CLDN1: variants seen among roughly 807,000 people sequenced by gnomAD.
CLDN1 encodes claudin-1.
A neutral mutation model predicts 22.6 loss-of-function variants in CLDN1; 12 were observed. The observed-to-expected ratio is 0.53, with a 90% CI of 0.34 to 0.86. CLDN1 has a LOEUF of 0.86. Among genes scored for constraint, CLDN1 ranks in the 40% least tolerant of loss-of-function variants. CLDN1 has a pLI of 0.02. For missense variants in CLDN1, 250 were observed against 269.5 expected, an observed-to-expected ratio of 0.93 and a Z score of 0.51; for synonymous variants, 99 against 103.8, an observed-to-expected ratio of 0.95 and a Z score of 0.28.
rs749371682 is a variant in CLDN1, at chr3:190,310,272, A to G, written c.389-19T>C. 5.0e-6 allele frequency: 8 copies of G among 1,586,426 alleles called. No individual in the cohort carries two copies. The highest frequency in any genetic ancestry group is 6.9e-6 in the Non-Finnish European group (8 of 1,155,244). On this transcript the variant is annotated intron_variant, in intron 2 of 3. Coordinates refer to ENST00000295522, the MANE Select transcript of CLDN1 (RefSeq NM_021101.5). ...GCCAGACCTATAGAAATTCAAAACAAAAGACTGTTAATCACCATGGAACAC... is the reference window on the plus strand; with the variant it reads ...GCCAGACCTATAGAAATTCAAAACAGAAGACTGTTAATCACCATGGAACAC...
chr3:190,310,400 TC>T, intron 2 of CLDN1, 147 bp from the exon 3 acceptor site: 1 of 619,486 alleles, frequency 1.6e-6, no homozygotes, highest in Non-Finnish European at 2.8e-6. Context: ...AGATTAGAAG[TC>T]CAGATATGAT....
chr3:190,319,456 G>A lies in CLDN1; in HGVS notation c.223+2528C>T, dbSNP rs111865073. On this transcript the variant is annotated intron_variant, in intron 1 of 3. Coordinates refer to ENST00000295522, the MANE Select transcript of CLDN1 (RefSeq NM_021101.5). ...TGGCAAGAACTACCTAAAAGAAGAA[G>A]CCTTGCTCTATCTCATTTTGTATTT... 5.1e-3 allele frequency among the ~76,000 whole-genome samples: 772 copies of A among 152,284 alleles called. 11 individuals are homozygous for A. The highest frequency in any genetic ancestry group is 0.018 in the African/African-American group (736 of 41,560).
intron 1 of CLDN1, among the ~76,000 whole-genome samples, chr3:190,314,505 A>T (rs1716711422): frequency 1.3e-5 from 2 of 151,794 alleles, no homozygotes; most frequent in Admixed American, 1.3e-4. Context: ...AGCGATTCTC[A>T]TCCCACAGCC....
At chr3:190,316,853 A>T (rs1487724936) in intron 1 of CLDN1, among the ~76,000 whole-genome samples, 1 of 152,188 alleles carries the variant, frequency 6.6e-6, no homozygotes, top group East Asian at 1.9e-4. Context: ...ACTGAGAAAT[A>T]CCTCCCTTGA....
intron 1 of CLDN1, among the ~76,000 whole-genome samples, chr3:190,314,467 T>A (rs1426278381): frequency 6.6e-6 from 1 of 152,148 alleles, no homozygotes; most frequent in Non-Finnish European, 1.5e-5. Flanking sequence ...CGATATGGGC[T>A]CACTGCAACC....
In CLDN1 at chr3:190,307,982, A is replaced by G. The variant is rs544541711; in HGVS notation, c.*295T>C. On this transcript the variant is annotated 3_prime_UTR_variant, in exon 4 of 4. Transcript: ENST00000295522. ...AATAGAAAAACATGTATATATACAT[A>G]TCTATATATATTTAAGGAGCACCCC... is the stretch of plus-strand genomic sequence containing the variant. The G allele has an allele frequency of 3.1e-6, 1 of 322,914 alleles. No homozygotes were observed. Among genetic ancestry groups the G allele is most frequent in the South Asian group, 3.2e-5 (1 of 31,562 alleles). 20.0% of individuals were successfully genotyped at this position (322,914 alleles called of 1,614,324 possible).
chr3:190,308,525 A>G (rs1376683827), intron 3 of CLDN1, 86 bp from the exon 4 acceptor site: 1 of 1,281,696 alleles, frequency 7.8e-7, no homozygotes, highest in Middle Eastern at 1.8e-4. Flanking sequence ...ATCAATACTC[A>G]TTGTATTTTT....
chr3:190,310,234 G>T lies in CLDN1; in HGVS notation c.408C>A (p.Ala136=). 2.5e-6 allele frequency: 4 copies of T among 1,613,678 alleles called. No individual in the cohort carries two copies. The highest frequency in any genetic ancestry group is 3.4e-6 in the Non-Finnish European group (4 of 1,179,752). Reference sequence around the variant, plus strand: ...CGATTCTATTGCCATACCATGCTGTGGCAACTAAAATAGCCAGACCTATAG... The same window carrying T: ...CGATTCTATTGCCATACCATGCTGTTGCAACTAAAATAGCCAGACCTATAG... ...FLLAGLAILV[A]TAWYGNRIVQ... Residue 136 remains alanine, a synonymous_variant, in exon 3 of 4, where the codon GCC becomes GCA. Transcript: ENST00000295522.
Position 190,310,399 on chromosome 3 carries a change from G to A in CLDN1, c.389-146C>T, listed in dbSNP as rs571302105. ...TATTTTGGTATTAGGGAGATTAGAAGTCCAGATATGATTTATTCCAAGTAT... is the reference window on the plus strand; with the variant it reads ...TATTTTGGTATTAGGGAGATTAGAAATCCAGATATGATTTATTCCAAGTAT... On this transcript the variant is annotated intron_variant, in intron 2 of 3. Transcript: ENST00000295522. The A allele has an allele frequency of 5.4e-4, 332 of 617,034 alleles. 2 individuals are homozygous for A. The East Asian group carries it at 9.3e-3, about 17-fold the overall frequency. The allele number at this position is 617,034 out of a possible 1,614,324, so 38.2% of individuals were successfully genotyped here.
intron 3 of CLDN1, 47 bp from the exon 4 acceptor site, chr3:190,308,486 A>G: frequency 6.3e-7 from 1 of 1,576,388 alleles, no homozygotes; most frequent in Non-Finnish European, 8.7e-7. Context: ...ATTATTGGCA[A>G]CTTTTCTAAT....
intron 1 of CLDN1, among the ~76,000 whole-genome samples, chr3:190,318,790 C>T (rs1390351484): frequency 6.6e-6 from 1 of 152,216 alleles, no homozygotes; most frequent in African/African-American, 2.4e-5. Context: ...CTCCTCTCCA[C>T]TTAGGCTTCA....
At chr3:190,309,508 T>A (rs1271219375) in intron 3 of CLDN1, among the ~76,000 whole-genome samples, 2 of 152,218 alleles carry the variant, frequency 1.3e-5, no homozygotes, top group Non-Finnish European at 2.9e-5. Context: ...AATGTAGTTA[T>A]TAGGCATTAA....
intron 1 of CLDN1, among the ~76,000 whole-genome samples, chr3:190,317,471 T>C (rs1377896493): frequency 1.3e-5 from 2 of 152,210 alleles, no homozygotes; most frequent in Non-Finnish European, 2.9e-5. Context: ...TGGAAGTTAC[T>C]GATCTACTAC....
At chr3:190,310,378 T>G (rs1716580328) in intron 2 of CLDN1, 125 bp from the exon 3 acceptor site, 1 of 709,474 alleles carries the variant, frequency 1.4e-6, no homozygotes. Flanking sequence ...CATTTTTATT[T>G]TGGTATTAGG....
intron 1 of CLDN1, among the ~76,000 whole-genome samples, chr3:190,315,700 C>T (rs1243896987): frequency 6.6e-6 from 1 of 152,060 alleles, no homozygotes; most frequent in East Asian, 1.9e-4. Flanking sequence ...CCAAGTTTTT[C>T]TCTTTGTTCA....
chr3:190,309,649 A>G (rs1716558836), intron 3 of CLDN1, among the ~76,000 whole-genome samples: 1 of 152,228 alleles, frequency 6.6e-6, no homozygotes, highest in East Asian at 1.9e-4. Context: ...CCAATTTTAC[A>G]GTTGTGAAAG....
Position 190,307,342 on chromosome 3 carries a change from G to T in CLDN1, c.*935C>A, listed in dbSNP as rs1315769785. 6.6e-6 allele frequency: 1 copy of T among 152,094 alleles called. No homozygotes were observed. The highest frequency in any genetic ancestry group is 1.5e-5 in the Non-Finnish European group (1 of 68,032). 9.4% of individuals were successfully genotyped at this position (152,094 alleles called of 1,614,324 possible). ...TGGGGAACAAAAAGGTAGTTTAGGG[G>T]GATATAAAACTATGAATAAGTAGCT... is the stretch of plus-strand genomic sequence containing the variant. On this transcript the variant is annotated 3_prime_UTR_variant, in exon 4 of 4. Transcript: ENST00000295522.
chr3:190,322,064 T>A lies in CLDN1; in HGVS notation c.143A>T (p.Glu48Val). The A allele has an allele frequency of 6.2e-7, 1 of 1,614,156 alleles. No individual in the cohort carries two copies. The highest frequency in any genetic ancestry group is 8.5e-7 in the Non-Finnish European group (1 of 1,180,016). The part of the protein sequence containing the change: ...DNIVTAQAMY[E>V]GLWMSCVSQS... ...CGACACGCAGGACATCCACAGCCCC[T>A]CGTACATGGCCTGGGCGGTCACGAT... The change falls in exon 1 of 4, where the codon GAG (glutamate) becomes GTG (valine). Residue 48 changes from glutamate to valine, a missense_variant. Coordinates refer to ENST00000295522, the MANE Select transcript of CLDN1 (RefSeq NM_021101.5).
At chr3:190,309,371 T>C (rs1176019925) in intron 3 of CLDN1, among the ~76,000 whole-genome samples, 2 of 152,226 alleles carry the variant, frequency 1.3e-5, no homozygotes, top group Non-Finnish European at 2.9e-5. Context: ...ACCATTGCAG[T>C]ATGTGTTCTC....
Sources: gnomAD v4.1 joint callset for allele counts (sites outside exome capture counted in the v4.1 genomes callset) on GRCh38, gnomAD v4.1.1 for gene constraint, MANE v1.5 for transcripts, NCBI Gene and HGNC (gene_info 2026-07-23, HGNC 2026-07-21) for gene names.